The following PRELID2 variants were observed in gnomAD, a reference collection of about 807,000 sequenced individuals.
PRELID2 encodes the protein PRELI domain containing 2.
In PRELID2, 25 loss-of-function variants were observed where a neutral mutation model predicts 28.4. That is an observed-to-expected ratio of 0.88 (90% CI 0.64 to 1.23). PRELID2 has a LOEUF of 1.23. PRELID2 is among the 50% of genes most tolerant of loss of function. The probability of loss-of-function intolerance (pLI) is 0.00; values close to 1 mark genes in which losing one functional copy is unlikely to be tolerated. For missense variants in PRELID2, 201 were observed against 214.4 expected (o/e 0.94, Z 0.39); for synonymous variants, 76 against 71.6 (o/e 1.06, Z -0.31).
At chr5:145,291,482 A>C in the PRELID2 span, among the ~76,000 whole-genome samples, 2 of 152,028 alleles carry the variant, frequency 1.3e-5, no homozygotes, top group Admixed American at 1.3e-4. Flanking sequence ...GGTGCCTCCT[A>C]GCAGCTTCAG....
At chr5:145,611,982 A>G (rs959076538) in intron 1 of PRELID2, among the ~76,000 whole-genome samples, 3 of 152,334 alleles carry the variant, frequency 2.0e-5, no homozygotes, top group South Asian at 2.1e-4. Flanking sequence ...TCAGAGAAAA[A>G]CAGACCCATG....
chr5:145,717,891 G>A (rs1224845428), intron 1 of PRELID2, among the ~76,000 whole-genome samples: 1 of 151,870 alleles, frequency 6.6e-6, no homozygotes, highest in African/African-American at 2.4e-5. Context: ...GTCCTTCAGA[G>A]GCTGAGTATT....
the PRELID2 span, among the ~76,000 whole-genome samples, chr5:145,341,787 A>G: frequency 6.6e-6 from 1 of 152,306 alleles, no homozygotes; most frequent in Non-Finnish European, 1.5e-5. Flanking sequence ...TATTTGAATT[A>G]TCAGTATTGC....
chr5:145,470,196 C>G (rs1752041326), downstream of PRELID2, among the ~76,000 whole-genome samples: 1 of 152,050 alleles, frequency 6.6e-6, no homozygotes, highest in South Asian at 2.1e-4. Context: ...GGATCTCTGT[C>G]TTAACTACTT....
intron 5 of PRELID2, among the ~76,000 whole-genome samples, chr5:145,773,189 T>C (rs529011927): frequency 8.5e-5 from 13 of 152,318 alleles, no homozygotes; most frequent in African/African-American, 2.9e-4. Flanking sequence ...ACCTTATATT[T>C]TCTAGTCCGG....
the PRELID2 span, among the ~76,000 whole-genome samples, chr5:145,384,870 CCATT>C: frequency 6.6e-6 from 1 of 152,132 alleles, no homozygotes; most frequent in Admixed American, 6.6e-5. Context: ...TGGTTGTAAA[CCATT>C]CATGAGAAAT....
chr5:145,608,961 T>G (rs1478055482), intron 1 of PRELID2, among the ~76,000 whole-genome samples: 1 of 152,212 alleles, frequency 6.6e-6, no homozygotes, highest in African/African-American at 2.4e-5. Flanking sequence ...CATTCTTCTT[T>G]AATTTTTTCT....
At chr5:145,352,410 C>T in the PRELID2 span, among the ~76,000 whole-genome samples, 1 of 152,162 alleles carries the variant, frequency 6.6e-6, no homozygotes, top group Non-Finnish European at 1.5e-5. Context: ...CTGAGCTGTA[C>T]ATTGGCCCTT....
chr5:145,497,256 T>G (rs2126630960), intron 1 of PRELID2, among the ~76,000 whole-genome samples: 1 of 152,326 alleles, frequency 6.6e-6, no homozygotes, highest in Admixed American at 6.5e-5. Context: ...GCTTTTGTAG[T>G]ACAGTATTGC....
At chr5:145,360,952 T>C in the PRELID2 span, among the ~76,000 whole-genome samples, 2 of 152,194 alleles carry the variant, frequency 1.3e-5, no homozygotes, top group Admixed American at 6.5e-5. Flanking sequence ...TACTATGTGC[T>C]GTAGAGGGAA....
At chr5:145,324,124 A>G in the PRELID2 span, among the ~76,000 whole-genome samples, 1 of 152,172 alleles carries the variant, frequency 6.6e-6, no homozygotes, top group Admixed American at 6.5e-5. Flanking sequence ...AATTCGGACT[A>G]ATGGGGAAAT....
intron 1 of PRELID2, among the ~76,000 whole-genome samples, chr5:145,544,120 A>C (rs903501250): frequency 6.6e-6 from 1 of 152,098 alleles, no homozygotes; most frequent in African/African-American, 2.4e-5. Flanking sequence ...AAAGCATCAA[A>C]AGTCACACAG....
intron 4 of PRELID2, among the ~76,000 whole-genome samples, chr5:145,808,876 T>C (rs1376352669): frequency 2.1e-5 from 3 of 143,646 alleles, no homozygotes. Flanking sequence ...AGAGGGACCC[T>C]GTCTTACAAA....
At chr5:145,393,816 G>A in the PRELID2 span, among the ~76,000 whole-genome samples, 2 of 152,138 alleles carry the variant, frequency 1.3e-5, no homozygotes, top group Admixed American at 6.5e-5. Flanking sequence ...ATTTAACAGG[G>A]TTAAGTCTGT....
At chr5:145,703,523 G>C (rs1755464451) in intron 1 of PRELID2, among the ~76,000 whole-genome samples, 4 of 152,202 alleles carry the variant, frequency 2.6e-5, no homozygotes, top group Admixed American at 2.6e-4. Context: ...GAAAATGTCA[G>C]TTCCAACAGC....
rs1757363029 is a variant in PRELID2, at chr5:145,759,278, G to A, written c.*1258C>T. ...GGCCTCCCAAAGTACTGGGATTACAGGCATAAGCCACCACACCCTGCCCTG... is the reference window on the plus strand; with the variant it reads ...GGCCTCCCAAAGTACTGGGATTACAAGCATAAGCCACCACACCCTGCCCTG... On this transcript the variant is annotated 3_prime_UTR_variant, in exon 7 of 7. Transcript: ENST00000683046. 1 of 152,060 alleles carries A rather than the reference G, an allele frequency of 6.6e-6. No individual in the cohort carries two copies. Among genetic ancestry groups the A allele is most frequent in the Non-Finnish European group, 1.5e-5 (1 of 68,022 alleles). The allele number at this position is 152,060 out of a possible 1,614,324, so 9.4% of individuals were successfully genotyped here. A position where few individuals can be genotyped will look rare whatever the true frequency, so the allele number is the denominator to read the frequency against.
At chr5:145,698,011 C>G (rs1561547991) in intron 1 of PRELID2, among the ~76,000 whole-genome samples, 1 of 151,228 alleles carries the variant, frequency 6.6e-6, no homozygotes, top group Non-Finnish European at 1.5e-5. Context: ...TATATATATA[C>G]ATGAAGTTAC....
chr5:145,662,712 T>C (rs927555973), intron 1 of PRELID2, among the ~76,000 whole-genome samples: 13 of 152,060 alleles, frequency 8.5e-5, no homozygotes, highest in Admixed American at 5.3e-4. Context: ...AGCTAGCATG[T>C]GAACAGGCTC....
chr5:145,757,109 C>A lies in PRELID2; in HGVS notation c.*3427G>T, dbSNP rs752234850. Among the ~76,000 whole-genome samples, 1 of 152,156 alleles carries A rather than the reference C, an allele frequency of 6.6e-6. No individual in the cohort carries two copies. Among genetic ancestry groups the A allele is most frequent in the Admixed American group, 6.5e-5 (1 of 15,272 alleles). ...ATTGAAATAAAGTAAAAAAGATGTG[C>A]AAGTTAAAAGAATAACCTTGAGTTT... On this transcript the variant is annotated 3_prime_UTR_variant, in exon 7 of 7. Transcript: ENST00000683046.
Sources: gnomAD v4.1 joint callset for allele counts (sites outside exome capture counted in the v4.1 genomes callset) on GRCh38, gnomAD v4.1.1 for gene constraint, MANE v1.5 for transcripts, NCBI Gene and HGNC (gene_info 2026-07-23, HGNC 2026-07-21) for gene names.